CCPG1: variants seen among roughly 807,000 people sequenced by gnomAD.
CCPG1 encodes the protein cell cycle progression 1.
In CCPG1, 46 loss-of-function variants were observed where a neutral mutation model predicts 81.3. That is an observed-to-expected ratio of 0.57 (90% CI 0.45 to 0.72). The LOEUF is 0.72. Ranked by LOEUF, CCPG1 falls within the 30% of genes least tolerant of loss-of-function variation. The pLI is 0.00. For missense variants in CCPG1, 902 were observed against 937.6 expected (o/e 0.96, Z 0.50); for synonymous variants, 330 against 305.2 (o/e 1.08, Z -0.85).
At chr15:55,382,389 C>T (rs2056716539) in intron 3 of CCPG1, among the ~76,000 whole-genome samples, 1 of 152,188 alleles carries the variant, frequency 6.6e-6, no homozygotes, top group Non-Finnish European at 1.5e-5. Flanking sequence ...ACAGCATCTT[C>T]ACCAAGAGTA....
chr15:55,404,981 T>C (rs1012891372), intron 1 of CCPG1, among the ~76,000 whole-genome samples: 1 of 150,228 alleles, frequency 6.7e-6, no homozygotes, highest in African/African-American at 2.5e-5. Context: ...TCCCAGCACT[T>C]TGGGAGGCCA....
intron 1 of CCPG1, among the ~76,000 whole-genome samples, chr15:55,407,246 G>A (rs1414069434): frequency 6.9e-6 from 1 of 144,276 alleles, no homozygotes; most frequent in East Asian, 2.1e-4. Flanking sequence ...AAAAAAATAT[G>A]AATTAAAATA....
chr15:55,382,424 C>T (rs545036232), intron 3 of CCPG1, among the ~76,000 whole-genome samples: 3 of 152,110 alleles, frequency 2.0e-5, no homozygotes, highest in Admixed American at 2.0e-4. Flanking sequence ...AAACTACTTT[C>T]TTTGCTCATC....
At chr15:55,375,771 T>G (rs905014151) in intron 5 of CCPG1, among the ~76,000 whole-genome samples, 8 of 151,398 alleles carry the variant, frequency 5.3e-5, no homozygotes, top group African/African-American at 1.9e-4. Flanking sequence ...CTCAGCTCAC[T>G]ACAGCCTCAA....
chr15:55,391,949 G>A (rs1267909053), intron 1 of CCPG1, among the ~76,000 whole-genome samples: 1 of 140,970 alleles, frequency 7.1e-6, no homozygotes, highest in Non-Finnish European at 1.5e-5. Context: ...AGGCCAAGAC[G>A]GAAGGACCGC....
At chr15:55,378,265 T>G in intron 4 of CCPG1, 35 bp downstream of exon 4, 1 of 1,264,808 alleles carries the variant, frequency 7.9e-7, no homozygotes, top group Non-Finnish European at 1.1e-6. Flanking sequence ...AGGATACTAT[T>G]TAACATATAT....
chr15:55,374,808 C>T (rs1187742569), intron 5 of CCPG1, among the ~76,000 whole-genome samples: 1 of 152,012 alleles, frequency 6.6e-6, no homozygotes, highest in Non-Finnish European at 1.5e-5. Flanking sequence ...TCCCAAGTAG[C>T]TGGGATTACA....
chr15:55,356,610 A>G lies in CCPG1; in HGVS notation c.2235-201T>C, dbSNP rs117741815. The G allele has an allele frequency of 8.6e-3, 10,671 of 1,237,162 alleles. 84 individuals are homozygous for G. The highest frequency in any genetic ancestry group is 0.032 in the Middle Eastern group (104 of 3,206). 76.6% of individuals were successfully genotyped at this position (1,237,162 alleles called of 1,614,324 possible). ...TTTGTCCTATAGAAAGAAAAAATAG[A>G]CAATAACTCTACTGGCAAAAAAGGG... On this transcript the variant is annotated intron_variant, in intron 8 of 8. Transcript: ENST00000442196.
chr15:55,396,235 G>C (rs2057015573), intron 1 of CCPG1, among the ~76,000 whole-genome samples: 1 of 151,284 alleles, frequency 6.6e-6, no homozygotes, highest in Non-Finnish European at 1.5e-5. Flanking sequence ...ATTGGTAAAT[G>C]TATAAACCCT....
At chr15:55,379,565 C>A (rs1319719467) in intron 3 of CCPG1, among the ~76,000 whole-genome samples, 1 of 151,916 alleles carries the variant, frequency 6.6e-6, no homozygotes, top group African/African-American at 2.4e-5. Context: ...GGCACAGTGG[C>A]TCATGCTTGT....
intron 7 of CCPG1, among the ~76,000 whole-genome samples, chr15:55,362,125 A>G (rs2056213864): frequency 6.6e-6 from 1 of 152,206 alleles, no homozygotes; most frequent in Non-Finnish European, 1.5e-5. Context: ...TTTTACACAT[A>G]TGCATTAGTA....
At chr15:55,406,256 G>C (rs1405468619) in intron 1 of CCPG1, among the ~76,000 whole-genome samples, 3 of 147,190 alleles carry the variant, frequency 2.0e-5, no homozygotes, top group Non-Finnish European at 4.5e-5. Flanking sequence ...CTTTCCACTA[G>C]AAAGTGAAAA....
intron 3 of CCPG1, among the ~76,000 whole-genome samples, chr15:55,379,652 C>T (rs556659929): frequency 1.3e-5 from 2 of 151,994 alleles, no homozygotes; most frequent in East Asian, 3.9e-4. Context: ...GGCAACATAG[C>T]GAGACCAGTT....
intron 5 of CCPG1, among the ~76,000 whole-genome samples, chr15:55,373,742 T>C (rs1475014363): frequency 6.6e-6 from 1 of 152,200 alleles, no homozygotes; most frequent in East Asian, 1.9e-4. Context: ...TAAGTCAGGC[T>C]TTCTGACATA....
intron 1 of CCPG1, among the ~76,000 whole-genome samples, chr15:55,391,638 T>A (rs2056915549): frequency 6.6e-6 from 1 of 152,110 alleles, no homozygotes; most frequent in Non-Finnish European, 1.5e-5. Context: ...TTTGATAGCA[T>A]TTTTTAAAGT....
intron 1 of CCPG1, among the ~76,000 whole-genome samples, chr15:55,402,568 A>T (rs1278450414): frequency 6.6e-6 from 1 of 152,150 alleles, no homozygotes; most frequent in Non-Finnish European, 1.5e-5. Context: ...CTTTATCGTA[A>T]ATATTCTATA....
chr15:55,407,037 A>AT (rs1555411229), intron 1 of CCPG1, among the ~76,000 whole-genome samples: 2 of 112,692 alleles, frequency 1.8e-5, no homozygotes, highest in Non-Finnish European at 3.5e-5. Flanking sequence ...ACACGTTGAG[A>AT]CCCCCCCCCC....
intron 5 of CCPG1, among the ~76,000 whole-genome samples, chr15:55,373,464 A>T: frequency 6.6e-6 from 1 of 152,188 alleles, no homozygotes; most frequent in East Asian, 1.9e-4. Context: ...GTTCACTTTC[A>T]CACTTACAAC....
intron 8 of CCPG1, chr15:55,359,238 C>G (rs1014869294): frequency 9.6e-7 from 1 of 1,046,870 alleles, no homozygotes; most frequent in Admixed American, 5.2e-5. Context: ...TTCATATAAA[C>G]TATAATGAAA....
Sources: gnomAD v4.1 joint callset for allele counts (sites outside exome capture counted in the v4.1 genomes callset) on GRCh38, gnomAD v4.1.1 for gene constraint, MANE v1.5 for transcripts, NCBI Gene and HGNC (gene_info 2026-07-23, HGNC 2026-07-21) for gene names.